The following CCDC88B variants were observed in gnomAD, a reference collection of about 807,000 sequenced individuals.
The protein encoded by CCDC88B is coiled-coil domain-containing protein 88B.
Under a neutral mutation model 183.7 loss-of-function variants are expected in CCDC88B, and 138 were observed. That is an observed-to-expected ratio of 0.75 (90% CI 0.65 to 0.87). The LOEUF (loss-of-function observed/expected upper bound fraction) is 0.87. CCDC88B is among the 40% of genes least tolerant of loss of function. The probability of loss-of-function intolerance (pLI) is 0.00; values close to 1 mark genes in which losing one functional copy is unlikely to be tolerated. For missense variants in CCDC88B, 1,822 were observed against 1,965.6 expected (o/e 0.93, Z 1.38); for synonymous variants, 835 against 867.5 (o/e 0.96, Z 0.66).
At position 64,341,646 on chromosome 11, in the gene CCDC88B, T is replaced by G. The variant is rs647152; in HGVS notation, c.579T>G (p.Asp193Glu). The G allele has an allele frequency of 0.37, 596,233 of 1,605,742 alleles. 111,859 individuals are homozygous for G. The highest frequency in any genetic ancestry group is 0.41 in the South Asian group (36,762 of 90,200). The change falls in exon 7 of 27, where the codon GAT (aspartate) becomes GAG (glutamate). Residue 193 changes from aspartate to glutamate, a missense_variant. Asp to Glu is a conservative substitution (Grantham distance 45). Coordinates refer to ENST00000356786, the MANE Select transcript of CCDC88B (RefSeq NM_032251.6). ...TGGTGCTGGCACTGTCTGGGCCAGA[T>G]CCTGGGGAGCTGGCACCTGCCGAGC... ...AGVVLALSGP[D>E]PGELAPAELE...
intron 14 of CCDC88B, among the ~76,000 whole-genome samples, chr11:64,348,144 A>G (rs1386480609): frequency 1.3e-5 from 2 of 151,432 alleles, no homozygotes; most frequent in African/African-American, 4.9e-5. Context: ...TGGCACCTAG[A>G]ATGGACCTGT....
intron 2 of CCDC88B, 57 bp downstream of exon 2, chr11:64,340,809 G>GGTGGGCGGAGCCTGATGCTCA: frequency 6.4e-7 from 1 of 1,557,094 alleles, no homozygotes; most frequent in East Asian, 2.2e-5. Flanking sequence ...AGGGGAAGCG[G>GGTGGGCGGAGCCTGATGCTCA]GTGGGCGGAG....
intron 10 of CCDC88B, 33 bp from the exon 11 acceptor site, chr11:64,343,146 C>T (rs1032330644): frequency 1.3e-5 from 19 of 1,501,644 alleles, no homozygotes; most frequent in Non-Finnish European, 1.7e-5. Context: ...ATGGGGGCTG[C>T]GTGGCTACCG....
intron 1 of CCDC88B, 72 bp downstream of exon 1, chr11:64,340,398 C>T (rs1470471979): frequency 6.0e-6 from 7 of 1,165,518 alleles, no homozygotes; most frequent in Middle Eastern, 3.0e-4. Flanking sequence ...TGGCGCTGGC[C>T]GGGGGAGGGT....
chr11:64,346,036 CA>C (rs1238316173), intron 14 of CCDC88B, among the ~76,000 whole-genome samples: 6 of 152,036 alleles, frequency 3.9e-5, no homozygotes, highest in Non-Finnish European at 8.8e-5. Flanking sequence ...GAAACAACAA[CA>C]AAAAAAGAAT....
intron 14 of CCDC88B, among the ~76,000 whole-genome samples, chr11:64,345,632 T>C (rs939852983): frequency 2.0e-5 from 3 of 152,066 alleles, no homozygotes; most frequent in African/African-American, 7.2e-5. Flanking sequence ...AAGGAGGCTT[T>C]AGGAGGAGTG....
intron 14 of CCDC88B, among the ~76,000 whole-genome samples, chr11:64,345,900 G>A (rs1017872425): frequency 1.3e-5 from 2 of 152,228 alleles, no homozygotes; most frequent in Non-Finnish European, 2.9e-5. Flanking sequence ...TGTTACTTGG[G>A]AGGATGAGGC....
At chr11:64,356,732 G>A in intron 26 of CCDC88B, 1 of 442,672 alleles carries the variant, frequency 2.3e-6, no homozygotes, top group Non-Finnish European at 4.0e-6. Context: ...GAGCAGGGGA[G>A]GGGTCAGGAG....
In CCDC88B at chr11:64,353,735, G is replaced by A. The variant is rs756702849; in HGVS notation, c.3854G>A (p.Arg1285His). 11 of 1,614,050 alleles carry A rather than the reference G, an allele frequency of 6.8e-6. No individual in the cohort carries two copies. The East Asian group carries it at 1.1e-4, about 16-fold the overall frequency. The change falls in exon 23 of 27, where the codon CGC becomes CAC. Residue 1285 changes from arginine to histidine, a missense_variant. Physicochemically the swap from Arg to His is conservative, Grantham distance 29. Transcript: ENST00000356786. ...REYLDQLNAL[R>H]REKQKLVEKI... The stretch of plus-strand genomic sequence containing the variant: ...GCCAGGGACCAGCTTAATGCCCTGC[G>A]CCGCGAGAAGCAGAAGCTCGTGGAG...
rs1475836088 is a variant in CCDC88B, at chr11:64,344,210, G to A, written c.1669G>A (p.Glu557Lys). Residue 557 changes from glutamate to lysine, a missense_variant, in exon 14 of 27, where the codon GAG becomes AAG. Coordinates refer to ENST00000356786, the MANE Select transcript of CCDC88B (RefSeq NM_032251.6). This position sits in a 1 kb window ranked among gnomAD's most constrained non-coding sequence, Gnocchi z 4.5. ...CCAGGCACCTGATTCAGACCCACAGGAGGCAGAGAGTCCCCTTCAGGCAGC... is the reference window on the plus strand; with the variant it reads ...CCAGGCACCTGATTCAGACCCACAGAAGGCAGAGAGTCCCCTTCAGGCAGC... ...CPQAPDSDPQ[E>K]AESPLQAAAM... The A allele has an allele frequency of 6.2e-7, 1 of 1,611,904 alleles. No individual in the cohort carries two copies. The highest frequency in any genetic ancestry group is 8.5e-7 in the Non-Finnish European group (1 of 1,179,170).
At position 64,352,394 on chromosome 11, in the gene CCDC88B, TCAC is replaced by T. The variant is rs1362872129; in HGVS notation, c.3356+11_3356+13del. ...CCGGGAGCTGCAGGGCCGGTGAGCA[TCAC>T]CAAATGCCCAGCTCCTCCCCTGGCA... On this transcript the variant is annotated intron_variant, in intron 19 of 26. Transcript: ENST00000356786. 6.6e-7 allele frequency: 1 copy of T among 1,521,838 alleles called. No individual in the cohort carries two copies. The highest frequency in any genetic ancestry group is 8.8e-7 in the Non-Finnish European group (1 of 1,133,838). The allele number at this position is 1,521,838 out of a possible 1,614,324, so 94.3% of individuals were successfully genotyped here. A position where few individuals can be genotyped will look rare whatever the true frequency, so the allele number is the denominator to read the frequency against.
At chr11:64,342,875 G>T (rs1342672633) in intron 10 of CCDC88B, 195 bp downstream of exon 10, 3 of 549,064 alleles carry the variant, frequency 5.5e-6, no homozygotes, top group Admixed American at 3.6e-5. Context: ...GTGTAGGGGA[G>T]TGGGGGGGCT....
intron 2 of CCDC88B, 46 bp downstream of exon 2, chr11:64,340,798 G>A: frequency 6.4e-7 from 1 of 1,566,020 alleles, no homozygotes; most frequent in Non-Finnish European, 8.6e-7. Flanking sequence ...GATCTGAGAG[G>A]AGGGGAAGCG....
intron 24 of CCDC88B, 78 bp downstream of exon 24, chr11:64,354,248 C>T: frequency 1.6e-6 from 2 of 1,226,296 alleles, no homozygotes; most frequent in Non-Finnish European, 2.1e-6. Context: ...TGCCTCACTG[C>T]CTGGCCTGCA....
At chr11:64,341,839 A>G in intron 7 of CCDC88B, 97 bp downstream of exon 7, 2 of 1,351,458 alleles carry the variant, frequency 1.5e-6, no homozygotes, top group Non-Finnish European at 1.9e-6. Flanking sequence ...GGGCCCAGGC[A>G]TGGGGTTGTG....
chr11:64,348,847 G>A (rs966046075), intron 14 of CCDC88B: 14 of 600,918 alleles, frequency 2.3e-5, no homozygotes, highest in Non-Finnish European at 3.0e-5. Context: ...GCATCCTGGC[G>A]CCCCCTGCCC....
chr11:64,342,053 T>C lies in CCDC88B; in HGVS notation c.735T>C (p.Ser245=). 6.2e-7 allele frequency: 1 copy of C among 1,611,778 alleles called. No individual in the cohort carries two copies. The highest frequency in any genetic ancestry group is 8.5e-7 in the Non-Finnish European group (1 of 1,179,468). ...EPLCLRPEAP[S]RAPAEGPSHH... is the part of the protein sequence containing the mutation. ...TCTGCTTGAGGCCTGAGGCTCCCTC[T>C]AGGGCTCCCGCCGAGGGCCCCTCGC... Residue 245 remains serine, a synonymous_variant, in exon 8 of 27, where the codon TCT becomes TCC. Coordinates refer to ENST00000356786, the MANE Select transcript of CCDC88B (RefSeq NM_032251.6).
intron 15 of CCDC88B, 36 bp from the exon 16 acceptor site, chr11:64,349,515 T>TGGGGG: frequency 1.3e-5 from 3 of 224,660 alleles, no homozygotes; most frequent in Non-Finnish European, 2.4e-5. Flanking sequence ...GGGGCGAGGG[T>TGGGGG]GGGGTGGGGC....
Position 64,344,894 on chromosome 11 carries a change from GC to G in CCDC88B, c.2356del (p.Gln786ArgfsTer153). 6.3e-7 allele frequency: 1 copy of G among 1,591,644 alleles called. No homozygotes were observed. The highest frequency in any genetic ancestry group is 1.8e-5 in the Admixed American group (1 of 56,306). ...GGCCGAGGCCCACCGGGAGGCAGAG[GC>G]CCAGGCCTGGGAGCAAGCCCGGCTG... The part of the protein sequence containing the change: ...AEAEAHREAE[A>X]QAWEQARLRE... On this transcript the variant is annotated frameshift_variant, in exon 14 of 27. Coordinates refer to ENST00000356786, the MANE Select transcript of CCDC88B (RefSeq NM_032251.6). LOFTEE classifies it high-confidence loss of function. This position sits in a 1 kb window ranked among gnomAD's most constrained non-coding sequence, Gnocchi z 4.5.
Sources: allele counts gnomAD v4.1 joint callset (sites outside exome capture counted in the v4.1 genomes callset), GRCh38; gene constraint gnomAD v4.1.1; non-coding constraint Gnocchi (gnomAD v3.1); transcripts MANE v1.5; gene names NCBI Gene and HGNC (gene_info 2026-07-23, HGNC 2026-07-21).